The following PCDH15 variants were observed in gnomAD, a reference collection of about 807,000 sequenced individuals.
PCDH15 encodes the protein protocadherin related 15.
PCDH15 carries 129 observed loss-of-function variants against 178.5 expected under a neutral mutation model. That is an observed-to-expected ratio of 0.72 (90% CI 0.63 to 0.84). The LOEUF (loss-of-function observed/expected upper bound fraction) is 0.84, where lower values mean the gene tolerates loss of function less well. PCDH15 is among the 40% of genes least tolerant of loss of function. The pLI is 0.00. For missense variants in PCDH15, 2,230 were observed against 2,099.9 expected (o/e 1.06, Z -1.21); for synonymous variants, 800 against 732.0 (o/e 1.09, Z -1.50).
chr10:54,952,693 C>G (rs1304946074), intron 2 of PCDH15, among the ~76,000 whole-genome samples: 2 of 151,672 alleles, frequency 1.3e-5, no homozygotes, highest in Non-Finnish European at 3.0e-5. Context: ...TAGTTTTCCT[C>G]ATATAGGCAT....
rs1015250091 is a variant in PCDH15 at position 55,455,217 on chromosome 10, C to A, written c.-156+172408G>T. Reference sequence around the variant, plus strand: ...ATCTGTAAAATGAGGATAGTAACTCCAACCCAGCAAATAGACTACACCCAA... The same window carrying A: ...ATCTGTAAAATGAGGATAGTAACTCAAACCCAGCAAATAGACTACACCCAA... On this transcript the variant is annotated intron_variant, in intron 2 of 5. Coordinates refer to the PCDH15 transcript ENST00000613346. Among the ~76,000 whole-genome samples, 3 of 152,092 alleles carry A rather than the reference C, an allele frequency of 2.0e-5. No individual in the cohort carries two copies. The East Asian group carries it at 5.8e-4, about 29-fold the overall frequency.
At chr10:55,082,631 T>C (rs371366376) in intron 2 of PCDH15, among the ~76,000 whole-genome samples, 3 of 147,386 alleles carry the variant, frequency 2.0e-5, no homozygotes, top group East Asian at 2.0e-4. Context: ...AGTTGCTTTT[T>C]AAAAAGATAA....
intron 2 of PCDH15, among the ~76,000 whole-genome samples, chr10:55,109,935 C>T (rs1564806030): frequency 6.6e-6 from 1 of 151,588 alleles, no homozygotes; most frequent in Non-Finnish European, 1.5e-5. Flanking sequence ...TAAGCACTTG[C>T]AAGTCAACTT....
At chr10:54,366,808 C>T (rs1946886340) in intron 5 of PCDH15, among the ~76,000 whole-genome samples, 1 of 150,802 alleles carries the variant, frequency 6.6e-6, no homozygotes. Flanking sequence ...TATTATCAAA[C>T]CATAGAAGAT....
chr10:55,449,861 A>C (rs1037246786), intron 2 of PCDH15, among the ~76,000 whole-genome samples: 7 of 152,154 alleles, frequency 4.6e-5, no homozygotes, highest in Admixed American at 4.6e-4. Context: ...GTTGTGCCAG[A>C]AGAACATTAC....
intron 2 of PCDH15, among the ~76,000 whole-genome samples, chr10:54,548,347 T>C (rs1004553004): frequency 2.2e-4 from 33 of 148,346 alleles, no homozygotes; most frequent in Admixed American, 8.1e-4. Context: ...ATATATGTCA[T>C]CCATATATGT....
intron 3 of PCDH15, among the ~76,000 whole-genome samples, chr10:54,417,407 GA>G (rs142425828): frequency 0.053 from 8,065 of 152,050 alleles, 722 homozygotes; most frequent in African/African-American, 0.18. Flanking sequence ...AAAACCAAGA[GA>G]AAAGAAGTTA....
In PCDH15 at chr10:55,003,163, A is replaced by C. The variant is rs545224244; in HGVS notation, c.-79-105663T>G. On this transcript the variant is annotated intron_variant, in intron 2 of 5. Coordinates refer to the PCDH15 transcript ENST00000458638. Reference sequence around the variant, plus strand: ...TTTATTGTCAAATGTGTCTGTCCTAAGACTTTTGTTATCCACAATTGTTTT... The same window carrying C: ...TTTATTGTCAAATGTGTCTGTCCTACGACTTTTGTTATCCACAATTGTTTT... Among the ~76,000 whole-genome samples, 23 of 152,288 alleles carry C rather than the reference A, an allele frequency of 1.5e-4. No homozygotes were observed. In the East Asian group the frequency reaches 3.5e-3, roughly 23 times the overall value.
intron 1 of PCDH15, among the ~76,000 whole-genome samples, chr10:55,254,644 T>G (rs1295627277): frequency 3.3e-5 from 5 of 152,148 alleles, no homozygotes; most frequent in African/African-American, 1.2e-4. Flanking sequence ...AATTTAATCT[T>G]ACCTACAAAA....
At chr10:54,522,534 A>C (rs1488327580) in intron 3 of PCDH15, among the ~76,000 whole-genome samples, 1 of 152,214 alleles carries the variant, frequency 6.6e-6, no homozygotes, top group African/African-American at 2.4e-5. Context: ...CAAAGAAACA[A>C]GTCGTCTATC....
At chr10:54,444,466 C>T (rs933793153) in intron 3 of PCDH15, among the ~76,000 whole-genome samples, 1 of 151,690 alleles carries the variant, frequency 6.6e-6, no homozygotes, top group Admixed American at 6.6e-5. Context: ...CTTTCCAGAC[C>T]ACTTTCTAGG....
At chr10:54,732,879 C>T in intron 1 of PCDH15, among the ~76,000 whole-genome samples, 1 of 151,480 alleles carries the variant, frequency 6.6e-6, no homozygotes, top group East Asian at 1.9e-4. Context: ...CCTGTTTCAA[C>T]ATCAGAAATT....
rs913431903 is a variant in PCDH15 at position 55,173,309 on chromosome 10, A to G, written c.-155-6658T>C. Among the ~76,000 whole-genome samples the G allele has an allele frequency of 3.5e-3, 468 of 133,130 alleles. 1 individual carries two copies. The highest frequency in any genetic ancestry group is 0.018 in the South Asian group (75 of 4,110). The allele number at this position is 133,130 out of a possible 152,430, so 87.3% of individuals were successfully genotyped here. A position where few individuals can be genotyped will look rare whatever the true frequency, so the allele number is the denominator to read the frequency against. ...CCTTTGATTCTATATTAGAAAGATT[A>G]TGTGTGTGTGTGTGTGTGTGTGTGT... On this transcript the variant is annotated intron_variant, in intron 1 of 5. Transcript: ENST00000458638.
At chr10:53,920,818 G>A (rs1453936389) in intron 25 of PCDH15, among the ~76,000 whole-genome samples, 3 of 151,994 alleles carry the variant, frequency 2.0e-5, no homozygotes, top group Non-Finnish European at 4.4e-5. Context: ...CTGCTTGTTT[G>A]CGAAATATTT....
At chr10:53,827,758 A>G (rs767211887) in intron 31 of PCDH15, among the ~76,000 whole-genome samples, 1 of 152,170 alleles carries the variant, frequency 6.6e-6, no homozygotes, top group South Asian at 2.1e-4. Flanking sequence ...GAAAATAGCT[A>G]TCTCTTGAAT....
chr10:54,930,625 C>A (rs889929178), intron 2 of PCDH15, among the ~76,000 whole-genome samples: 5 of 152,058 alleles, frequency 3.3e-5, no homozygotes, highest in African/African-American at 1.2e-4. Context: ...TTTAAATGTC[C>A]TTTTAATGAC....
intron 3 of PCDH15, among the ~76,000 whole-genome samples, chr10:54,821,246 T>C (rs1300876568): frequency 1.3e-5 from 2 of 152,078 alleles, no homozygotes; most frequent in African/African-American, 4.8e-5. Flanking sequence ...ACAACACAGT[T>C]CTAGACTATG....
At chr10:55,456,840 C>T (rs1370595987) in intron 2 of PCDH15, among the ~76,000 whole-genome samples, 1 of 151,992 alleles carries the variant, frequency 6.6e-6, no homozygotes. Flanking sequence ...TCTGTGAACA[C>T]TTCATCTTGT....
chr10:54,643,656 T>C (rs903878160), intron 2 of PCDH15, among the ~76,000 whole-genome samples: 5 of 152,070 alleles, frequency 3.3e-5, no homozygotes, highest in Non-Finnish European at 5.9e-5. Context: ...TAGAGCAATA[T>C]GTATTTGGTA....
Sources: gnomAD v4.1 joint callset for allele counts (sites outside exome capture counted in the v4.1 genomes callset) on GRCh38, gnomAD v4.1.1 for gene constraint, MANE v1.5 for transcripts, NCBI Gene and HGNC (gene_info 2026-07-23, HGNC 2026-07-21) for gene names.